The following CHST9 variants were observed in gnomAD, a reference collection of about 807,000 sequenced individuals.
CHST9 encodes GalNAc-4-sulfotransferase 2.
Under a neutral mutation model 44.4 loss-of-function variants are expected in CHST9, and 41 were observed. The ratio of observed to expected loss-of-function variants is 0.92; its 90% CI spans 0.72 to 1.20. CHST9 has a LOEUF of 1.20. Ranked by LOEUF, CHST9 falls within the 50% of genes most tolerant of loss-of-function variation. CHST9 has a pLI of 0.00. For missense variants in CHST9, 504 were observed against 516.5 expected, an observed-to-expected ratio of 0.98 and a Z score of 0.23; for synonymous variants, 171 against 178.4, an observed-to-expected ratio of 0.96 and a Z score of 0.33.
At chr18:27,123,159 G>A (rs2058389607) in intron 2 of CHST9, among the ~76,000 whole-genome samples, 1 of 152,168 alleles carries the variant, frequency 6.6e-6, no homozygotes, top group Non-Finnish European at 1.5e-5. Flanking sequence ...TGCTGAGTAT[G>A]TCTATTCCAA....
intron 2 of CHST9, among the ~76,000 whole-genome samples, chr18:27,094,211 A>G (rs2058095312): frequency 6.6e-6 from 1 of 152,196 alleles, no homozygotes; most frequent in Non-Finnish European, 1.5e-5. Flanking sequence ...AAACACTGAG[A>G]CATCTTGATC....
chr18:26,927,453 C>T (rs895593563), intron 5 of CHST9, among the ~76,000 whole-genome samples: 1 of 152,120 alleles, frequency 6.6e-6, no homozygotes, highest in Admixed American at 6.5e-5. Context: ...TGATTATTAT[C>T]TCTACCATCT....
At chr18:27,066,289 T>G (rs936395106) in intron 2 of CHST9, among the ~76,000 whole-genome samples, 2 of 152,204 alleles carry the variant, frequency 1.3e-5, no homozygotes, top group African/African-American at 4.8e-5. Context: ...AAAGTGACCT[T>G]GGCCAGTTGC....
At chr18:27,077,234 T>C (rs942974612) in intron 2 of CHST9, among the ~76,000 whole-genome samples, 1 of 152,222 alleles carries the variant, frequency 6.6e-6, no homozygotes, top group Non-Finnish European at 1.5e-5. Flanking sequence ...AAAACAATTA[T>C]AATTTTAATT....
chr18:27,046,728 T>G (rs969003499), intron 3 of CHST9, among the ~76,000 whole-genome samples: 1 of 152,044 alleles, frequency 6.6e-6, no homozygotes, highest in Non-Finnish European at 1.5e-5. Context: ...TGTTACAAAT[T>G]TAGATTTCCT....
At chr18:27,046,295 T>C (rs1320600112) in intron 3 of CHST9, among the ~76,000 whole-genome samples, 1 of 152,014 alleles carries the variant, frequency 6.6e-6, no homozygotes, top group Non-Finnish European at 1.5e-5. Flanking sequence ...AGAATTAACC[T>C]TAACCAACCA....
chr18:27,183,119 G>A (rs776609171), intron 1 of CHST9, among the ~76,000 whole-genome samples: 52 of 149,534 alleles, frequency 3.5e-4, no homozygotes, highest in African/African-American at 1.3e-3. Flanking sequence ...CAAAAAGGTG[G>A]GGGGTGGGGG....
chr18:26,940,720 G>A (rs1040098378), intron 5 of CHST9, among the ~76,000 whole-genome samples: 2 of 152,132 alleles, frequency 1.3e-5, no homozygotes, highest in Non-Finnish European at 2.9e-5. Flanking sequence ...TGAGGTTTCC[G>A]GCTTGTTATG....
intron 2 of CHST9, among the ~76,000 whole-genome samples, chr18:27,073,205 A>T (rs1055912048): frequency 6.6e-6 from 1 of 152,198 alleles, no homozygotes; most frequent in Non-Finnish European, 1.5e-5. Context: ...GCAAGGCCAC[A>T]GTGGCTTGGA....
chr18:26,924,763 T>G (rs1177943507), intron 5 of CHST9: 1 of 153,204 alleles, frequency 6.5e-6, no homozygotes, highest in African/African-American at 2.4e-5. Context: ...ATTCCAGGGC[T>G]TCAGAAGCTG....
At chr18:27,086,259 T>TA (rs760852133) in intron 2 of CHST9, among the ~76,000 whole-genome samples, 43 of 152,116 alleles carry the variant, frequency 2.8e-4, no homozygotes, top group Middle Eastern at 3.2e-3. Context: ...CCCCTGAACC[T>TA]AAAATGAAAG....
chr18:27,155,347 AAGAC>A (rs2058691261), intron 1 of CHST9, among the ~76,000 whole-genome samples: 1 of 152,158 alleles, frequency 6.6e-6, no homozygotes, highest in Admixed American at 6.6e-5. Flanking sequence ...GTTACTTCAA[AAGAC>A]AGTCTATTTT....
chr18:27,118,851 C>T (rs1170818945), intron 2 of CHST9, among the ~76,000 whole-genome samples: 1 of 152,150 alleles, frequency 6.6e-6, no homozygotes, highest in Non-Finnish European at 1.5e-5. Flanking sequence ...TTTCCATCAC[C>T]CACCGTATGC....
intron 4 of CHST9, among the ~76,000 whole-genome samples, chr18:27,013,668 T>C (rs1036906741): frequency 2.6e-5 from 4 of 152,228 alleles, no homozygotes; most frequent in Non-Finnish European, 5.9e-5. Context: ...GTTGCTTCTC[T>C]CTTTTGCATA....
intron 3 of CHST9, among the ~76,000 whole-genome samples, chr18:27,026,036 C>G (rs2143472907): frequency 6.6e-6 from 1 of 152,246 alleles, no homozygotes; most frequent in South Asian, 2.1e-4. Context: ...TTGTTCTCAT[C>G]AAATATTGCT....
intron 3 of CHST9, among the ~76,000 whole-genome samples, chr18:27,033,168 G>C (rs771575667): frequency 6.6e-5 from 10 of 152,172 alleles, no homozygotes; most frequent in Non-Finnish European, 1.2e-4. Flanking sequence ...GTTGGGCAGT[G>C]AGTGTTCACT....
At chr18:27,072,337 G>C (rs2057849609) in intron 2 of CHST9, among the ~76,000 whole-genome samples, 1 of 151,994 alleles carries the variant, frequency 6.6e-6, no homozygotes, top group African/African-American at 2.4e-5. Flanking sequence ...CCTCACTTCA[G>C]GATGCTGTAC....
intron 4 of CHST9, among the ~76,000 whole-genome samples, chr18:27,011,766 GCTT>G (rs2057088164): frequency 6.6e-6 from 1 of 152,148 alleles, no homozygotes. Context: ...AGTGAGCTGG[GCTT>G]CTCTCTAGAG....
At chr18:26,972,425 G>C (rs899681270) in intron 4 of CHST9, among the ~76,000 whole-genome samples, 4 of 151,304 alleles carry the variant, frequency 2.6e-5, no homozygotes, top group African/African-American at 7.3e-5. Context: ...AATTGAAGGA[G>C]GTGACAGAGT....
Sources: gnomAD v4.1 joint callset for allele counts (sites outside exome capture counted in the v4.1 genomes callset) on GRCh38, gnomAD v4.1.1 for gene constraint, MANE v1.5 for transcripts, NCBI Gene and HGNC (gene_info 2026-07-23, HGNC 2026-07-21) for gene names.